Variants in GUF1 observed in about 807,000 individuals in gnomAD.
The protein encoded by GUF1 is GTP binding elongation factor GUF1, also known as translation factor GUF1, mitochondrial.
GUF1 carries 78 observed loss-of-function variants against 82.4 expected under a neutral mutation model. That is an observed-to-expected ratio of 0.95 (90% CI 0.79 to 1.14). The LOEUF is 1.14. Ranked by LOEUF, GUF1 falls within the 50% of genes most tolerant of loss-of-function variation. The pLI, the probability that GUF1 is intolerant of heterozygous loss-of-function variation, is 0.00. For synonymous variants in GUF1, 279 were observed against 282.3 expected (o/e 0.99, Z 0.12); for missense variants, 814 against 798.2 (o/e 1.02, Z -0.24).
rs1297539093 is a variant in GUF1 at position 44,688,161 on chromosome 4, A to G, written c.1078+15A>G. The G allele has an allele frequency of 7.5e-6, 12 of 1,601,922 alleles. No individual in the cohort carries two copies. Among genetic ancestry groups the G allele is most frequent in the African/African-American group, 1.3e-5 (1 of 74,248 alleles). Reference sequence around the variant, plus strand: ...GGTATTTGCAGGTGAGGAGTTCACAAATTCAAAGGTTGAGGGCCATGATAT... The same window carrying G: ...GGTATTTGCAGGTGAGGAGTTCACAGATTCAAAGGTTGAGGGCCATGATAT... On this transcript the variant is annotated intron_variant, in intron 9 of 16. Coordinates refer to ENST00000281543, the MANE Select transcript of GUF1 (RefSeq NM_021927.3).
At chr4:44,692,068 C>T (rs1249631296) in intron 13 of GUF1, among the ~76,000 whole-genome samples, 2 of 151,780 alleles carry the variant, frequency 1.3e-5, no homozygotes, top group Non-Finnish European at 3.0e-5. Flanking sequence ...TCATGAAGAG[C>T]TGTATTCCTT....
Position 44,700,320 on chromosome 4 carries a change from T to C in GUF1, c.*1639T>C, listed in dbSNP as rs1716142046. ...ACTCAAAGTCTTCACATGAAACAAA[T>C]GCATAAATGATTGCTTTCTCTGTTT... is the stretch of plus-strand genomic sequence containing the variant. On this transcript the variant is annotated 3_prime_UTR_variant, in exon 17 of 17. Transcript: ENST00000281543. 6.6e-6 allele frequency: 1 copy of C among 152,148 alleles called. No homozygotes were observed. Among genetic ancestry groups the C allele is most frequent in the Admixed American group, 6.5e-5 (1 of 15,272 alleles). 9.4% of individuals were successfully genotyped at this position (152,148 alleles called of 1,614,324 possible). A position where few individuals can be genotyped will look rare whatever the true frequency, so the allele number is the denominator to read the frequency against.
At position 44,700,434 on chromosome 4, in the gene GUF1, C is replaced by T. The variant is rs1463990799; in HGVS notation, c.*1753C>T. On this transcript the variant is annotated 3_prime_UTR_variant, in exon 17 of 17. Coordinates refer to ENST00000281543, the MANE Select transcript of GUF1 (RefSeq NM_021927.3). Reference sequence around the variant, plus strand: ...ATTGTATATTCAGTGAAAGGCTAATCAGAAACTCAAAAAAATGCAACCCTT... The same window carrying T: ...ATTGTATATTCAGTGAAAGGCTAATTAGAAACTCAAAAAAATGCAACCCTT... The T allele has an allele frequency of 2.0e-5, 3 of 152,208 alleles. No individual in the cohort carries two copies. Among genetic ancestry groups the T allele is most frequent in the Non-Finnish European group, 4.4e-5 (3 of 68,084 alleles). The allele number at this position is 152,208 out of a possible 1,614,324, so 9.4% of individuals were successfully genotyped here. A position where few individuals can be genotyped will look rare whatever the true frequency, so the allele number is the denominator to read the frequency against.
intron 4 of GUF1, 57 bp downstream of exon 4, chr4:44,681,260 G>C (rs1714758990): frequency 2.4e-6 from 3 of 1,261,748 alleles, no homozygotes; most frequent in Non-Finnish European, 3.4e-6. Context: ...GTTGTTTCAA[G>C]AGTTTTTCTT....
At chr4:44,698,373 T>C (rs1028318805) in intron 16 of GUF1, among the ~76,000 whole-genome samples, 171 bp from the exon 17 acceptor site, 1 of 152,064 alleles carries the variant, frequency 6.6e-6, no homozygotes, top group African/African-American at 2.4e-5. Context: ...AAATCCTGTA[T>C]CATTCTTTGA....
chr4:44,694,330 G>C, intron 13 of GUF1, 82 bp from the exon 14 acceptor site: 1 of 813,058 alleles, frequency 1.2e-6, no homozygotes, highest in South Asian at 1.5e-5. Context: ...GTAGAAAGTA[G>C]ACATTTAGTA....
In GUF1 at chr4:44,700,556, C is replaced by T. The variant is rs1716174551; in HGVS notation, c.*1875C>T. 1 of 152,102 alleles carries T rather than the reference C, an allele frequency of 6.6e-6. No homozygotes were observed. The highest frequency in any genetic ancestry group is 2.4e-5 in the African/African-American group (1 of 41,426). The allele number at this position is 152,102 out of a possible 1,614,324, so 9.4% of individuals were successfully genotyped here. A position where few individuals can be genotyped will look rare whatever the true frequency, so the allele number is the denominator to read the frequency against. On this transcript the variant is annotated 3_prime_UTR_variant, in exon 17 of 17. Transcript: ENST00000281543. The stretch of plus-strand genomic sequence containing the variant: ...ACCTTACACATACTGATTGATGTCT[C>T]ATGTCTCTCTAAAATGTGTAAAACC...
intron 4 of GUF1, 50 bp downstream of exon 4, chr4:44,681,253 G>T (rs2109631795): frequency 4.6e-6 from 6 of 1,304,056 alleles, no homozygotes; most frequent in South Asian, 1.3e-5. Flanking sequence ...CTATTTGGTT[G>T]TTTCAAGAGT....
In GUF1 at chr4:44,695,655, C is replaced by G. The variant is rs758056704; in HGVS notation, c.1756C>G (p.Leu586Val). ...AATTGGCAAAGCCATATGTGAACGG[C>G]TGAAGGATTCTCTTCCTAGGCAACT... Reference protein sequence around the residue: ...HSIGKAICERLKDSLPRQLFE... With the variant: ...HSIGKAICERVKDSLPRQLFE... The change falls in exon 15 of 17, where the codon CTG (leucine) becomes GTG (valine). Residue 586 changes from leucine (L) to valine (V), a missense_variant. Coordinates refer to ENST00000281543, the MANE Select transcript of GUF1 (RefSeq NM_021927.3). The G allele has an allele frequency of 3.1e-6, 5 of 1,613,438 alleles. No homozygotes were observed. Among genetic ancestry groups the G allele is most frequent in the Non-Finnish European group, 4.2e-6 (5 of 1,179,548 alleles).
At chr4:44,680,075 C>A (rs1006609004) in intron 1 of GUF1, among the ~76,000 whole-genome samples, 1 of 152,086 alleles carries the variant, frequency 6.6e-6, no homozygotes, top group African/African-American at 2.4e-5. Context: ...TATCTTCTTT[C>A]AGCTTTTCTG....
Position 44,678,737 on chromosome 4 carries a change from G to T in GUF1, c.115G>T (p.Ala39Ser). ...CCGGTCCGCGCCGACCCTTGGGGCT[G>T]CTCCAGAGTCCTGGGCTACCGACAG... Reference protein sequence around the residue: ...GPRSAPTLGAAPESWATDRLY... With the variant: ...GPRSAPTLGASPESWATDRLY... The change falls in exon 1 of 17, where the codon GCT becomes TCT. Residue 39 changes from alanine (A) to serine (S), a missense_variant. Coordinates refer to ENST00000281543, the MANE Select transcript of GUF1 (RefSeq NM_021927.3). 2.0e-6 allele frequency: 3 copies of T among 1,537,944 alleles called. No individual in the cohort carries two copies. The highest frequency in any genetic ancestry group is 2.6e-6 in the Non-Finnish European group (3 of 1,152,390).
intron 11 of GUF1, among the ~76,000 whole-genome samples, chr4:44,690,270 T>G (rs1715349418): frequency 6.6e-6 from 1 of 151,824 alleles, no homozygotes. Flanking sequence ...GTGAAAATAA[T>G]GTTCTGATTC....
Position 44,686,612 on chromosome 4 carries a change from G to A in GUF1, c.837G>A (p.Val279=). 1 of 1,611,574 alleles carries A rather than the reference G, an allele frequency of 6.2e-7. No homozygotes were observed. The highest frequency in any genetic ancestry group is 1.7e-4 in the Middle Eastern group (1 of 6,052). The change falls in exon 8 of 17, where the codon GTG becomes GTA. Residue 279 remains valine, a synonymous_variant. Coordinates refer to ENST00000281543, the MANE Select transcript of GUF1 (RefSeq NM_021927.3). ...VIANVALFDG[V]VSKGDKIVSA... ...CCAATGTAGCATTATTTGACGGAGTGGTTTCCAAAGGAGATAAAATTGTAT... is the reference window on the plus strand; with the variant it reads ...CCAATGTAGCATTATTTGACGGAGTAGTTTCCAAAGGAGATAAAATTGTAT...
intron 9 of GUF1, 32 bp from the exon 10 acceptor site, chr4:44,689,254 C>T: frequency 6.5e-7 from 1 of 1,533,796 alleles, no homozygotes; most frequent in Non-Finnish European, 8.8e-7. Flanking sequence ...GGCAGCTTAT[C>T]ACGTGATAAT....
At chr4:44,691,979 T>A (rs1350097462) in intron 13 of GUF1, among the ~76,000 whole-genome samples, 180 bp downstream of exon 13, 3 of 151,878 alleles carry the variant, frequency 2.0e-5, no homozygotes, top group African/African-American at 7.2e-5. Context: ...TACTTGTGAT[T>A]TGCTTATAGG....
At chr4:44,696,333 C>T (rs1222079208) in intron 15 of GUF1, among the ~76,000 whole-genome samples, 1 of 152,072 alleles carries the variant, frequency 6.6e-6, no homozygotes, top group Non-Finnish European at 1.5e-5. Context: ...TGTGGTGGCT[C>T]ACATTCTGTG....
chr4:44,698,106 A>G (rs904824561), intron 16 of GUF1, among the ~76,000 whole-genome samples: 1 of 152,168 alleles, frequency 6.6e-6, no homozygotes, highest in African/African-American at 2.4e-5. Context: ...AGATCCTGCC[A>G]TTGTACTCCA....
At position 44,685,955 on chromosome 4, in the gene GUF1, T is replaced by A. The variant is rs1358141354; in HGVS notation, c.670-4T>A. 1.3e-6 allele frequency: 2 copies of A among 1,589,186 alleles called. No homozygotes were observed. ...GCTTATATTTTTCACATGTATCTTT[T>A]TAGATTTCTGCTAAACTTGGAACAA... On this transcript the variant is annotated splice_region_variant and splice_polypyrimidine_tract_variant and intron_variant, in intron 6 of 16. Transcript: ENST00000281543.
intron 15 of GUF1, among the ~76,000 whole-genome samples, chr4:44,696,394 T>C (rs1180941268): frequency 6.6e-6 from 1 of 152,154 alleles, no homozygotes; most frequent in Admixed American, 6.5e-5. Flanking sequence ...GAGACTAGTC[T>C]GGGAAACATA....
Sources: gnomAD v4.1 joint callset for allele counts (sites outside exome capture counted in the v4.1 genomes callset) on GRCh38, gnomAD v4.1.1 for gene constraint, MANE v1.5 for transcripts, NCBI Gene and HGNC (gene_info 2026-07-23, HGNC 2026-07-21) for gene names.